Variants in CHL1 observed in about 807,000 individuals in gnomAD.
CHL1 encodes the protein cell adhesion molecule L1 like.
In CHL1, 96 loss-of-function variants were observed where a neutral mutation model predicts 141.9. That is an observed-to-expected ratio of 0.68 (90% CI 0.57 to 0.80). CHL1 has a LOEUF of 0.80. Ranked by LOEUF, CHL1 falls within the 30% of genes least tolerant of loss-of-function variation. The pLI is 0.00. For synonymous variants in CHL1, 613 were observed against 502.2 expected (o/e 1.22, Z -2.95); for missense variants, 1,820 against 1,457.2 (o/e 1.25, Z -4.05).
At position 280,568 on chromosome 3, in the gene CHL1, T is replaced by C. The variant is rs531136911; in HGVS notation, c.-95+35876T>C. Among the ~76,000 whole-genome samples, 3 of 152,318 alleles carry C rather than the reference T, an allele frequency of 2.0e-5. No homozygotes were observed. In the East Asian group the frequency reaches 5.8e-4, roughly 29 times the overall value. ...AATTCAGAACTGCTTCTGGTAATTT[T>C]ACTGTATCAAGCAGGCCCTGAGAAA... On this transcript the variant is annotated intron_variant, in intron 2 of 27. Transcript: ENST00000256509.
At chr3:307,214 G>A (rs1699315520) in intron 2 of CHL1, among the ~76,000 whole-genome samples, 1 of 152,180 alleles carries the variant, frequency 6.6e-6, no homozygotes, top group Admixed American at 6.5e-5. Flanking sequence ...GATGCTATGT[G>A]GCAAGGACAG....
Position 390,701 on chromosome 3 carries a change from A to G in CHL1, c.2471A>G (p.Tyr824Cys). Residue 824 changes from tyrosine (Y) to cysteine (C), a missense_variant and splice_region_variant, in exon 21 of 28, where the codon TAT becomes TGT. Coordinates refer to ENST00000256509, the MANE Select transcript of CHL1 (RefSeq NM_006614.4). Reference sequence around the variant, plus strand: ...CTAATCAATCTTCTATGATTAACAGATCCTGATACAGCTCCAGTGATCCAT... The same window carrying G: ...CTAATCAATCTTCTATGATTAACAGGTCCTGATACAGCTCCAGTGATCCAT... ...QSVTLYSGED[Y>C]PDTAPVIHGV... 3 of 1,531,676 alleles carry G rather than the reference A, an allele frequency of 2.0e-6. No homozygotes were observed. The highest frequency in any genetic ancestry group is 2.7e-6 in the Non-Finnish European group (3 of 1,105,792). 94.9% of individuals were successfully genotyped at this position (1,531,676 alleles called of 1,614,324 possible). A position where few individuals can be genotyped will look rare whatever the true frequency, so the allele number is the denominator to read the frequency against.
chr3:321,916 A>T (rs1201401398), intron 3 of CHL1, among the ~76,000 whole-genome samples: 2 of 152,070 alleles, frequency 1.3e-5, no homozygotes, highest in Non-Finnish European at 2.9e-5. Flanking sequence ...ATATATTCTT[A>T]TAAACACCCA....
chr3:353,891 A>G (rs1421632003), intron 10 of CHL1, among the ~76,000 whole-genome samples: 1 of 152,220 alleles, frequency 6.6e-6, no homozygotes, highest in Non-Finnish European at 1.5e-5. Context: ...CCCCTGACAT[A>G]GCAATATTCA....
At chr3:223,672 A>T (rs1371638677) in intron 1 of CHL1, among the ~76,000 whole-genome samples, 10 of 152,224 alleles carry the variant, frequency 6.6e-5, no homozygotes, top group Non-Finnish European at 2.9e-5. Context: ...GCGGTATTAC[A>T]GTAGAGAAAG....
intron 2 of CHL1, among the ~76,000 whole-genome samples, chr3:254,765 G>C (rs1262770373): frequency 1.3e-5 from 2 of 152,274 alleles, no homozygotes; most frequent in East Asian, 3.9e-4. Context: ...AAGTGGAAAG[G>C]CAAGCTAGCT....
chr3:199,417 A>G (rs1346717495), intron 1 of CHL1, among the ~76,000 whole-genome samples: 1 of 152,230 alleles, frequency 6.6e-6, no homozygotes, highest in African/African-American at 2.4e-5. Context: ...TTTTCTTCAA[A>G]GAAACGGCTA....
chr3:223,236 T>C (rs1701015104), intron 1 of CHL1, among the ~76,000 whole-genome samples: 1 of 152,208 alleles, frequency 6.6e-6, no homozygotes, highest in African/African-American at 2.4e-5. Context: ...GGGTGAAGTG[T>C]CATCACCCAT....
chr3:230,268 G>A (rs917021673), intron 1 of CHL1, among the ~76,000 whole-genome samples: 1 of 152,080 alleles, frequency 6.6e-6, no homozygotes, highest in Non-Finnish European at 1.5e-5. Flanking sequence ...TGAAGGAAGT[G>A]GTGACTCTTT....
intron 24 of CHL1, among the ~76,000 whole-genome samples, chr3:397,708 T>C (rs1025180635): frequency 2.5e-4 from 38 of 152,284 alleles, no homozygotes; most frequent in African/African-American, 8.9e-4. Flanking sequence ...CATTGGTATG[T>C]ACCTGCAAGC....
chr3:197,824 G>T (rs1242380093), intron 1 of CHL1: 2 of 456,272 alleles, frequency 4.4e-6, no homozygotes, highest in African/African-American at 4.0e-5. Flanking sequence ...TGGAGATGCC[G>T]GTCGCGGATG....
chr3:310,947 CT>C (rs1407240320), intron 2 of CHL1, among the ~76,000 whole-genome samples: 1 of 152,152 alleles, frequency 6.6e-6, no homozygotes, highest in African/African-American at 2.4e-5. Context: ...ATAGTTTTGC[CT>C]TTTCCAGAGT....
intron 1 of CHL1, among the ~76,000 whole-genome samples, chr3:242,474 T>C (rs543290187): frequency 1.8e-4 from 27 of 150,874 alleles, no homozygotes; most frequent in East Asian, 1.4e-3. Context: ...TGGGCGCCTG[T>C]AGTCCCAGCT....
At chr3:245,602 G>A (rs1693090128) in intron 2 of CHL1, among the ~76,000 whole-genome samples, 1 of 152,088 alleles carries the variant, frequency 6.6e-6, no homozygotes, top group South Asian at 2.1e-4. Context: ...ATGTCACCAA[G>A]AGAATATGCA....
intron 20 of CHL1, among the ~76,000 whole-genome samples, chr3:389,826 G>T (rs560694168): frequency 6.6e-5 from 10 of 152,270 alleles, no homozygotes; most frequent in African/African-American, 2.4e-4. Context: ...ACTTGTCAAG[G>T]ATCCCCTAAG....
intron 1 of CHL1, among the ~76,000 whole-genome samples, chr3:214,506 T>C (rs557139239): frequency 1.3e-5 from 2 of 152,356 alleles, no homozygotes; most frequent in East Asian, 3.9e-4. Context: ...ACGTTATCAA[T>C]ATTATTTTCT....
At chr3:404,441 A>G (rs995734011) in intron 27 of CHL1, among the ~76,000 whole-genome samples, 7 of 152,156 alleles carry the variant, frequency 4.6e-5, no homozygotes, top group Admixed American at 1.3e-4. Context: ...TAGCTTCATA[A>G]TGTAATACTA....
At chr3:359,721 G>C (rs1260377707) in intron 11 of CHL1, among the ~76,000 whole-genome samples, 1 of 152,170 alleles carries the variant, frequency 6.6e-6, no homozygotes, top group Non-Finnish European at 1.5e-5. Flanking sequence ...GAAGAGTTTA[G>C]TCTTCCTGGG....
chr3:336,786 T>A (rs1020030787), intron 5 of CHL1, among the ~76,000 whole-genome samples: 2 of 152,228 alleles, frequency 1.3e-5, no homozygotes, highest in Non-Finnish European at 2.9e-5. Flanking sequence ...ATTGGGATGA[T>A]GAGTTTTCAA....
Sources: gnomAD v4.1 joint callset for allele counts (sites outside exome capture counted in the v4.1 genomes callset) on GRCh38, gnomAD v4.1.1 for gene constraint, MANE v1.5 for transcripts, NCBI Gene and HGNC (gene_info 2026-07-23, HGNC 2026-07-21) for gene names.